NEK1: variants seen among roughly 807,000 people sequenced by gnomAD.
NEK1 encodes NIMA related kinase 1, also known as serine/threonine-protein kinase Nek1.
NEK1 carries 137 observed loss-of-function variants against 182.1 expected under a neutral mutation model. The ratio of observed to expected loss-of-function variants is 0.75; its 90% CI spans 0.65 to 0.87. NEK1 has a LOEUF of 0.87. Ranked by LOEUF, NEK1 falls within the 40% of genes least tolerant of loss-of-function variation. NEK1 has a pLI of 0.00. For synonymous variants in NEK1, 513 were observed against 492.2 expected, an observed-to-expected ratio of 1.04 and a Z score of -0.56; for missense variants, 1,391 against 1,494.4, an observed-to-expected ratio of 0.93 and a Z score of 1.14.
chr4:169,429,635 G>C (rs1737051406), intron 29 of NEK1, among the ~76,000 whole-genome samples: 2 of 152,070 alleles, frequency 1.3e-5, no homozygotes, highest in South Asian at 4.1e-4. Context: ...CTTCTTTGAG[G>C]AGGAGTAAGT....
intron 27 of NEK1, among the ~76,000 whole-genome samples, chr4:169,439,845 C>CT (rs33985502): frequency 0.14 from 16,337 of 116,386 alleles, 2,310 homozygotes; most frequent in African/African-American, 0.35. Flanking sequence ...GTTAGGGTAT[C>CT]TTTTTTTTTT....
intron 23 of NEK1, among the ~76,000 whole-genome samples, chr4:169,497,195 GGT>G (rs1751489270): frequency 6.6e-6 from 1 of 152,184 alleles, no homozygotes; most frequent in East Asian, 1.9e-4. Flanking sequence ...TTTGCGTAGA[GGT>G]GTTTATAGTA....
chr4:169,499,435 T>C (rs563363388), intron 23 of NEK1, among the ~76,000 whole-genome samples: 1 of 152,368 alleles, frequency 6.6e-6, no homozygotes, highest in East Asian at 1.9e-4. Flanking sequence ...CTTTGTTCTG[T>C]TGCTGGTGAG....
intron 27 of NEK1, among the ~76,000 whole-genome samples, chr4:169,457,154 AG>A (rs2149484743): frequency 6.6e-6 from 1 of 152,048 alleles, no homozygotes; most frequent in African/African-American, 2.4e-5. Flanking sequence ...TAGCACAACT[AG>A]GTGACTAGAG....
chr4:169,432,107 A>G (rs979210744), intron 29 of NEK1, among the ~76,000 whole-genome samples: 4 of 152,138 alleles, frequency 2.6e-5, no homozygotes, highest in African/African-American at 4.8e-5. Context: ...AAATTCACAG[A>G]CAAGGAAGTT....
rs566508645 is a variant in NEK1, at chr4:169,482,217, G to A, written c.2008-2683C>T. Among the ~76,000 whole-genome samples the A allele has an allele frequency of 3.9e-5, 6 of 152,246 alleles. No homozygotes were observed. In the South Asian group the frequency reaches 1.2e-3, roughly 32 times the overall value. On this transcript the variant is annotated intron_variant, in intron 23 of 35. Transcript: ENST00000507142. ...AGGCTTTGGCCAAAGAGAATGTTGC[G>A]GCTGGTTTGATCTTCTATCTAGACC...
At chr4:169,496,937 T>C (rs531877990) in intron 23 of NEK1, among the ~76,000 whole-genome samples, 2 of 152,308 alleles carry the variant, frequency 1.3e-5, no homozygotes, top group East Asian at 3.9e-4. Flanking sequence ...TTAGGGAGGA[T>C]TCCCTCTTTT....
chr4:169,489,215 G>A (rs1312128116), intron 23 of NEK1, among the ~76,000 whole-genome samples: 2 of 152,050 alleles, frequency 1.3e-5, no homozygotes, highest in South Asian at 4.1e-4. Flanking sequence ...CATTTTACGT[G>A]GTAAATCAGT....
intron 27 of NEK1, among the ~76,000 whole-genome samples, chr4:169,461,209 T>A (rs190679444): frequency 2.0e-5 from 3 of 152,198 alleles, no homozygotes; most frequent in East Asian, 3.9e-4. Flanking sequence ...CACATACACA[T>A]GAGCTAAACC....
At chr4:169,493,951 GATACT>G (rs1750615308) in intron 23 of NEK1, among the ~76,000 whole-genome samples, 1 of 152,166 alleles carries the variant, frequency 6.6e-6, no homozygotes, top group South Asian at 2.1e-4. Flanking sequence ...ACACCAGTGA[GATACT>G]ATATAAGATG....
chr4:169,570,473 G>A (rs1267202074), intron 12 of NEK1, among the ~76,000 whole-genome samples: 17 of 150,082 alleles, frequency 1.1e-4, no homozygotes, highest in African/African-American at 2.0e-4. Flanking sequence ...TCAGCCCCCC[G>A]CCCGGCCAGC....
At chr4:169,582,902 C>T (rs559758733) in intron 10 of NEK1, among the ~76,000 whole-genome samples, 60 of 152,208 alleles carry the variant, frequency 3.9e-4, no homozygotes, top group Admixed American at 9.8e-4. Context: ...ACAGAGCATT[C>T]CACTGGACAG....
rs553750032 is a variant in NEK1 at position 169,566,730 on chromosome 4, G to A, written c.1021-4534C>T. ...AGGCTTGAAGTTAAAAATTCTAACG[G>A]GCCATTGTGAATTTCAACCTAAAAG... On this transcript the variant is annotated intron_variant, in intron 12 of 35. Transcript: ENST00000507142. 1.2e-4 allele frequency among the ~76,000 whole-genome samples: 18 copies of A among 152,150 alleles called. No individual in the cohort carries two copies. The East Asian group carries it at 2.3e-3, about 20-fold the overall frequency.
chr4:169,532,945 A>G (rs950891618), intron 19 of NEK1, among the ~76,000 whole-genome samples: 5 of 152,068 alleles, frequency 3.3e-5, no homozygotes, highest in African/African-American at 1.2e-4. Flanking sequence ...AGGAAAAAGG[A>G]AAGGAGAAAG....
chr4:169,540,215 C>G (rs1263581808), intron 18 of NEK1, among the ~76,000 whole-genome samples: 1 of 151,964 alleles, frequency 6.6e-6, no homozygotes. Context: ...TATTGAGTGT[C>G]AACTATTTGC....
rs560959880 is a variant in NEK1, at chr4:169,456,195, C to A, written c.2587+7048G>T. 2.1e-4 allele frequency among the ~76,000 whole-genome samples: 32 copies of A among 152,106 alleles called. No individual in the cohort carries two copies. The East Asian group carries it at 5.2e-3, about 25-fold the overall frequency. On this transcript the variant is annotated intron_variant, in intron 27 of 35. Coordinates refer to ENST00000507142, the MANE Select transcript of NEK1 (RefSeq NM_001199397.3). ...ATAATGGAAACACAATATACCAATACCTCTGGGATACAGCAAAAGCAGTAC... is the reference window on the plus strand; with the variant it reads ...ATAATGGAAACACAATATACCAATAACTCTGGGATACAGCAAAAGCAGTAC...
Position 169,585,538 on chromosome 4 carries a change from G to T in NEK1, c.618C>A (p.Gly206=), listed in dbSNP as rs373174833. 1.2e-4 allele frequency: 194 copies of T among 1,607,660 alleles called. 1 individual carries two copies. In the African/African-American group the frequency reaches 2.2e-3, roughly 18 times the overall value. The change falls in exon 10 of 36, where the codon GGC becomes GGA. Residue 206 remains glycine (G), a synonymous_variant. Coordinates refer to ENST00000507142, the MANE Select transcript of NEK1 (RefSeq NM_001199397.3). ...LCTLKHAFEA[G]SMKNLVLKII... ...TCTTCAGTACCAGGTTTTTCATACTGCCAGCTTCAAACTAAATTCCAGAAA... is the reference window on the plus strand; with the variant it reads ...TCTTCAGTACCAGGTTTTTCATACTTCCAGCTTCAAACTAAATTCCAGAAA...
chr4:169,464,368 A>C (rs867216916), intron 26 of NEK1, among the ~76,000 whole-genome samples: 1 of 152,180 alleles, frequency 6.6e-6, no homozygotes, highest in Non-Finnish European at 1.5e-5. Context: ...GCAAAAAGAA[A>C]TATCAGAAGC....
intron 19 of NEK1, among the ~76,000 whole-genome samples, chr4:169,511,254 G>C (rs1754131254): frequency 6.6e-6 from 1 of 152,048 alleles, no homozygotes. Context: ...GAAGGCCCTT[G>C]CAATAGCTTA....
Sources: allele counts gnomAD v4.1 joint callset (sites outside exome capture counted in the v4.1 genomes callset), GRCh38; gene constraint gnomAD v4.1.1; transcripts MANE v1.5; gene names NCBI Gene and HGNC (gene_info 2026-07-23, HGNC 2026-07-21).